SEZ6L: variants seen among roughly 807,000 people sequenced by gnomAD.
SEZ6L encodes the protein seizure 6-like protein.
Under a neutral mutation model 106.2 loss-of-function variants are expected in SEZ6L, and 37 were observed. That is an observed-to-expected ratio of 0.35 (90% CI 0.27 to 0.46). The LOEUF is 0.46. Ranked by LOEUF, SEZ6L falls within the 20% of genes least tolerant of loss-of-function variation. The pLI is 1.00. For synonymous variants in SEZ6L, 541 were observed against 570.4 expected, an observed-to-expected ratio of 0.95 and a Z score of 0.73; for missense variants, 1,172 against 1,332.8, an observed-to-expected ratio of 0.88 and a Z score of 1.88.
At chr22:26,182,295 A>G (rs1295116344) in intron 1 of SEZ6L, among the ~76,000 whole-genome samples, 2 of 152,220 alleles carry the variant, frequency 1.3e-5, no homozygotes, top group African/African-American at 4.8e-5. Context: ...TTGGCGTATC[A>G]GATAGTCAGC....
At chr22:26,284,907 T>C (rs2080888053) in intron 1 of SEZ6L, among the ~76,000 whole-genome samples, 1 of 152,214 alleles carries the variant, frequency 6.6e-6, no homozygotes, top group South Asian at 2.1e-4. Context: ...TAGGAGTCTT[T>C]ATTTTTTTTT....
chr22:26,311,289 C>A (rs1045780967), intron 7 of SEZ6L, among the ~76,000 whole-genome samples: 20 of 152,232 alleles, frequency 1.3e-4, no homozygotes, highest in African/African-American at 4.3e-4. Context: ...TTAGCCACTT[C>A]TTCCTCCAAG....
intron 12 of SEZ6L, among the ~76,000 whole-genome samples, chr22:26,364,277 A>G (rs1450965520): frequency 6.6e-6 from 1 of 152,116 alleles, no homozygotes; most frequent in African/African-American, 2.4e-5. Context: ...TAGATCTCAC[A>G]TGCGGCCTGG....
intron 16 of SEZ6L, among the ~76,000 whole-genome samples, chr22:26,378,410 G>A (rs1205176202): frequency 6.6e-6 from 1 of 152,222 alleles, no homozygotes; most frequent in African/African-American, 2.4e-5. Flanking sequence ...CAGCCAGGAT[G>A]CACAGCCTGA....
At chr22:26,326,355 G>A (rs528265118) in intron 9 of SEZ6L, among the ~76,000 whole-genome samples, 1 of 152,236 alleles carries the variant, frequency 6.6e-6, no homozygotes, top group African/African-American at 2.4e-5. Context: ...CTTACTATTC[G>A]ACAAGTGTTT....
chr22:26,190,700 C>G (rs989307903), intron 1 of SEZ6L, among the ~76,000 whole-genome samples: 3 of 152,130 alleles, frequency 2.0e-5, no homozygotes, highest in African/African-American at 7.2e-5. Flanking sequence ...CTGACCTCCC[C>G]CAACACATGG....
chr22:26,293,111 T>A lies in SEZ6L; in HGVS notation c.800T>A (p.Ile267Asn), dbSNP rs1298433552. The change falls in exon 2 of 17, where the codon ATC (isoleucine) becomes AAC (asparagine). Residue 267 changes from isoleucine to asparagine, a missense_variant. Ile to Asn is a moderately radical substitution (Grantham distance 149). This residue lies in a region of SEZ6L where 494 missense variants were observed against 445.8 expected (regional missense o/e 1.11). Coordinates refer to ENST00000248933, the MANE Select transcript of SEZ6L (RefSeq NM_021115.5). ...ESQETTTSTI[I>N]TTTVITTEQA... The stretch of plus-strand genomic sequence containing the variant: ...CAGGAGACCACTACCTCCACCATTA[T>A]CACCACCACGGTCATCACCACCGAG... The A allele has an allele frequency of 2.5e-6, 4 of 1,592,924 alleles. No homozygotes were observed. The highest frequency in any genetic ancestry group is 3.4e-6 in the Non-Finnish European group (4 of 1,174,140).
rs1262830448 is a variant in SEZ6L, at chr22:26,169,496, A to G, written c.-174A>G. On this transcript the variant is annotated 5_prime_UTR_variant, in exon 1 of 17. Transcript: ENST00000248933. ...CCCGCGCCCGGCGCAGCTCGGCCAGAGCGACCGCGGGGCTGAGCGCGCGTC... is the reference window on the plus strand; with the variant it reads ...CCCGCGCCCGGCGCAGCTCGGCCAGGGCGACCGCGGGGCTGAGCGCGCGTC... 11 of 349,334 alleles carry G rather than the reference A, an allele frequency of 3.1e-5. No homozygotes were observed. Among genetic ancestry groups the G allele is most frequent in the Non-Finnish European group, 5.1e-5 (10 of 195,220 alleles). The allele number at this position is 349,334 out of a possible 1,614,324, so 21.6% of individuals were successfully genotyped here. A position where few individuals can be genotyped will look rare whatever the true frequency, so the allele number is the denominator to read the frequency against.
chr22:26,358,305 G>C (rs5997075), intron 12 of SEZ6L, among the ~76,000 whole-genome samples: 11,607 of 152,198 alleles, frequency 0.076, 1,563 homozygotes, highest in African/African-American at 0.27. Context: ...CCCCAGCCCT[G>C]CCTCTTACAA....
chr22:26,252,313 G>T (rs2079624874), intron 1 of SEZ6L, among the ~76,000 whole-genome samples: 1 of 152,180 alleles, frequency 6.6e-6, no homozygotes, highest in South Asian at 2.1e-4. Flanking sequence ...TCTATCTGAA[G>T]TTCAGACTCT....
intron 13 of SEZ6L, among the ~76,000 whole-genome samples, chr22:26,371,273 G>A (rs12160760): frequency 1.0e-3 from 152 of 152,246 alleles, no homozygotes; most frequent in African/African-American, 3.3e-3. Context: ...ATTCCTCAAA[G>A]CAGGATTGAT....
At chr22:26,271,493 G>A (rs892345293) in intron 1 of SEZ6L, among the ~76,000 whole-genome samples, 1 of 152,206 alleles carries the variant, frequency 6.6e-6, no homozygotes. Context: ...GTGGAGCCTG[G>A]TGGCAGGTGT....
chr22:26,349,702 C>T (rs1160256835), intron 11 of SEZ6L, among the ~76,000 whole-genome samples: 2 of 152,196 alleles, frequency 1.3e-5, no homozygotes, highest in African/African-American at 4.8e-5. Context: ...AGGGGTCTTG[C>T]TATGTTGCCC....
rs756934262 is a variant in SEZ6L at position 26,366,106 on chromosome 22, C to T, written c.2794+540C>T. On this transcript the variant is annotated intron_variant, in intron 13 of 16. Transcript: ENST00000248933. Reference sequence around the variant, plus strand: ...CAACACTTTGGGAGGCTGATGCAGGCATATCACTTGAGGTCAGGAGTTCAA... The same window carrying T: ...CAACACTTTGGGAGGCTGATGCAGGTATATCACTTGAGGTCAGGAGTTCAA... Among the ~76,000 whole-genome samples, 147 of 152,182 alleles carry T rather than the reference C, an allele frequency of 9.7e-4. 1 individual carries two copies. Among genetic ancestry groups the T allele is most frequent in the Non-Finnish European group, 1.5e-3 (101 of 68,006 alleles).
intron 13 of SEZ6L, among the ~76,000 whole-genome samples, chr22:26,370,307 C>G (rs1443694400): frequency 2.0e-5 from 3 of 151,912 alleles, no homozygotes; most frequent in Admixed American, 1.3e-4. Context: ...ATGGCGTGAA[C>G]GTGGGAGGCG....
intron 1 of SEZ6L, among the ~76,000 whole-genome samples, chr22:26,210,674 G>A (rs916739187): frequency 8.6e-5 from 13 of 150,546 alleles, no homozygotes; most frequent in African/African-American, 2.9e-4. Context: ...TCCATTCTCA[G>A]AATGGTTTTT....
At chr22:26,369,356 T>TTTTTTTTTTTTTTTTTTTTTTTTTTTC (rs1601635216) in intron 13 of SEZ6L, among the ~76,000 whole-genome samples, 1 of 127,088 alleles carries the variant, frequency 7.9e-6, no homozygotes, top group Non-Finnish European at 1.6e-5. Context: ...GTTTTTTTTT[T>TTTTTTTTTTTTTTTTTTTTTTTTTTTC]TGAGACAGAT....
At chr22:26,298,699 A>G (rs755021910) in intron 4 of SEZ6L, among the ~76,000 whole-genome samples, 14 of 152,152 alleles carry the variant, frequency 9.2e-5, no homozygotes, top group Non-Finnish European at 1.8e-4. Context: ...GTCTCTACAT[A>G]GATAGAGATA....
chr22:26,362,352 C>T (rs933135093), intron 12 of SEZ6L, among the ~76,000 whole-genome samples: 4 of 152,222 alleles, frequency 2.6e-5, no homozygotes, highest in Admixed American at 2.6e-4. Context: ...TCAGCTGAAC[C>T]ACTTACTGCC....
Sources: allele counts gnomAD v4.1 joint callset (sites outside exome capture counted in the v4.1 genomes callset), GRCh38; gene constraint gnomAD v4.1.1; regional missense constraint gnomAD v4.1.1; transcripts MANE v1.5; gene names NCBI Gene and HGNC (gene_info 2026-07-23, HGNC 2026-07-21).